The following PC variants were observed in gnomAD, a reference collection of about 807,000 sequenced individuals.
PC encodes the protein pyruvate carboxylase, also known as pyruvate carboxylase, mitochondrial.
Under a neutral mutation model 107.8 loss-of-function variants are expected in PC, and 46 were observed. That is an observed-to-expected ratio of 0.43 (90% CI 0.34 to 0.55). The LOEUF (loss-of-function observed/expected upper bound fraction) is 0.55, where lower values mean the gene tolerates loss of function less well. PC is among the 20% of genes least tolerant of loss of function. The pLI, the probability that PC is intolerant of heterozygous loss-of-function variation, is 0.04. For missense variants in PC, 1,241 were observed against 1,643.1 expected (o/e 0.76, Z 4.23); for synonymous variants, 662 against 684.7 (o/e 0.97, Z 0.52).
intron 2 of PC, among the ~76,000 whole-genome samples, chr11:66,952,821 G>C (rs889857622): frequency 3.3e-5 from 5 of 152,204 alleles, no homozygotes; most frequent in Non-Finnish European, 7.3e-5. Flanking sequence ...GGGATTACAG[G>C]TGTGAGCCAC....
chr11:66,947,226 A>G (rs1949319915), intron 3 of PC, among the ~76,000 whole-genome samples: 1 of 152,184 alleles, frequency 6.6e-6, no homozygotes, highest in East Asian at 1.9e-4. Context: ...GCCAAAAAGT[A>G]GAAGCACCTG....
chr11:66,885,683 G>C (rs1947334003), intron 3 of PC, among the ~76,000 whole-genome samples: 2 of 152,198 alleles, frequency 1.3e-5, no homozygotes, highest in Admixed American at 1.3e-4. Flanking sequence ...GCAGCTACAA[G>C]TCAGGCAAGG....
intron 12 of PC, among the ~76,000 whole-genome samples, chr11:66,855,297 T>C (rs1468901468): frequency 6.6e-6 from 1 of 152,220 alleles, no homozygotes; most frequent in Admixed American, 6.5e-5. Flanking sequence ...TGGTGGATGC[T>C]GGTAAACATC....
At chr11:66,947,291 C>CA (rs879668967) in intron 3 of PC, among the ~76,000 whole-genome samples, 97 of 144,604 alleles carry the variant, frequency 6.7e-4, no homozygotes, top group Non-Finnish European at 5.8e-4. Context: ...ATGAAATCAG[C>CA]AAAAAAAAAA....
intron 3 of PC, among the ~76,000 whole-genome samples, chr11:66,882,729 G>C (rs780374053): frequency 1.3e-5 from 2 of 152,190 alleles, no homozygotes; most frequent in Non-Finnish European, 2.9e-5. Context: ...CAGAGCACTC[G>C]GGGCTGCGGC....
At chr11:66,937,116 T>C (rs887253296) in intron 3 of PC, among the ~76,000 whole-genome samples, 3 of 152,170 alleles carry the variant, frequency 2.0e-5, no homozygotes, top group African/African-American at 7.2e-5. Flanking sequence ...AGTGCTGGGA[T>C]TACAGGTGTA....
intron 3 of PC, among the ~76,000 whole-genome samples, chr11:66,898,164 C>A (rs1947824033): frequency 6.6e-6 from 1 of 152,142 alleles, no homozygotes; most frequent in Non-Finnish European, 1.5e-5. Flanking sequence ...GGGGTCCTCC[C>A]ATGTTCTGAG....
At chr11:66,950,119 T>A (rs753973717) in intron 3 of PC, among the ~76,000 whole-genome samples, 2 of 152,330 alleles carry the variant, frequency 1.3e-5, no homozygotes, top group Non-Finnish European at 2.9e-5. Flanking sequence ...CAAAGCAGCA[T>A]AAAGTGATGT....
intron 3 of PC, among the ~76,000 whole-genome samples, chr11:66,928,815 G>A (rs983018622): frequency 1.3e-5 from 2 of 152,076 alleles, no homozygotes; most frequent in Non-Finnish European, 2.9e-5. Context: ...ATGAGCCACC[G>A]TGCCTGGCCA....
intron 12 of PC, among the ~76,000 whole-genome samples, chr11:66,861,840 C>G (rs1946274571): frequency 6.6e-6 from 1 of 152,000 alleles, no homozygotes; most frequent in Non-Finnish European, 1.5e-5. Flanking sequence ...GCCCCTTTCT[C>G]CACCTGGGGG....
rs1324648295 is a variant in PC, at chr11:66,871,544, C to A, written c.322-64G>T. On this transcript the variant is annotated intron_variant, in intron 5 of 22. Coordinates refer to ENST00000393960, the MANE Select transcript of PC (RefSeq NM_001040716.2). This position sits in a 1 kb window ranked among gnomAD's most constrained non-coding sequence, Gnocchi z 7.4. ...TCCCTTCCAAGGCCTCGGCCAGCCT[C>A]TTCCCCTGCCTAACCTGCTGAGCTG... The A allele has an allele frequency of 6.9e-6, 11 of 1,603,034 alleles. No homozygotes were observed. Among genetic ancestry groups the A allele is most frequent in the Non-Finnish European group, 8.5e-6 (10 of 1,171,382 alleles).
In PC at chr11:66,868,638, A is replaced by G. The variant is rs150530631; in HGVS notation, c.1022+208T>C. Among the ~76,000 whole-genome samples the G allele has an allele frequency of 5.3e-4, 81 of 152,190 alleles. 1 individual carries two copies. The East Asian group carries it at 0.01, about 19-fold the overall frequency. ...GAGAGGAGGGCTGTCAGTCATTTTT[A>G]TTTGCTCCTTTGTGCTGATTTTTAT... On this transcript the variant is annotated intron_variant, in intron 10 of 22. Transcript: ENST00000393960.
chr11:66,924,986 A>G (rs1948679528), intron 3 of PC, among the ~76,000 whole-genome samples: 1 of 152,154 alleles, frequency 6.6e-6, no homozygotes, highest in Non-Finnish European at 1.5e-5. Context: ...AGGTTCCGTG[A>G]TGCCCCCCAG....
chr11:66,932,711 C>G (rs1325006200), intron 3 of PC, among the ~76,000 whole-genome samples: 2 of 152,166 alleles, frequency 1.3e-5, no homozygotes, highest in Admixed American at 6.6e-5. Flanking sequence ...AAAACTGATT[C>G]AGAACTGCAA....
Position 66,850,759 on chromosome 11 carries a change from C to G in PC, c.2388G>C (p.Val796=), listed in dbSNP as rs747398140. 2 of 1,611,368 alleles carry G rather than the reference C, an allele frequency of 1.2e-6. No individual in the cohort carries two copies. Among genetic ancestry groups the G allele is most frequent in the Admixed American group, 3.3e-5 (2 of 60,034 alleles). Residue 796 remains valine, a synonymous_variant, in exon 18 of 23, where the codon GTG becomes GTC. Transcript: ENST00000393960. ...TCATCCCAGACATGGAATCAGCTGC[C>G]ACATCCACCACATCAGCTCCAGCCT... ...CAQAGADVVD[V]AADSMSGMTS...
intron 11 of PC, among the ~76,000 whole-genome samples, chr11:66,864,867 G>T (rs1946425812): frequency 6.6e-6 from 1 of 152,210 alleles, no homozygotes; most frequent in Admixed American, 6.5e-5. Flanking sequence ...TAAGGAAGAA[G>T]GGGAGTGGGG....
At chr11:66,873,514 T>A (rs1321124426) in intron 3 of PC, among the ~76,000 whole-genome samples, 27 of 1,876 alleles carry the variant, frequency 0.014, 2 homozygotes, top group South Asian at 0.029. Flanking sequence ...TATTATATAT[T>A]ATATTATATA....
At position 66,851,126 on chromosome 11, in the gene PC, G is replaced by C. The variant is rs778030981; in HGVS notation, c.2137C>G (p.Pro713Ala). 6.2e-7 allele frequency: 1 copy of C among 1,612,904 alleles called. No individual in the cohort carries two copies. Among genetic ancestry groups the C allele is most frequent in the Non-Finnish European group, 8.5e-7 (1 of 1,180,008 alleles). ...AISYTGDVAD[P>A]SRTKYSLQYY... ...TGCAGTGAGTACTTGGTGCGGCTGG[G>C]GTCGGCCACGTCGCCCGTGTATGAG... The change falls in exon 17 of 23, where the codon CCC (proline) becomes GCC (alanine). Residue 713 changes from proline to alanine, a missense_variant. Pro to Ala is a conservative substitution (Grantham distance 27, BLOSUM62 -1). Around this residue, in one of 2 missense-constraint regions of PC, gnomAD observed 1,143 missense variants for 1,551.9 expected, o/e 0.74. Transcript: ENST00000393960.
At chr11:66,886,282 C>T (rs1479366480) in intron 3 of PC, among the ~76,000 whole-genome samples, 2 of 152,130 alleles carry the variant, frequency 1.3e-5, no homozygotes, top group African/African-American at 4.8e-5. Context: ...AGGAAGCAAA[C>T]AGCCTGGCGT....
Sources: allele counts gnomAD v4.1 joint callset (sites outside exome capture counted in the v4.1 genomes callset), GRCh38; gene constraint gnomAD v4.1.1; regional missense constraint gnomAD v4.1.1; non-coding constraint Gnocchi (gnomAD v3.1); transcripts MANE v1.5; gene names NCBI Gene and HGNC (gene_info 2026-07-23, HGNC 2026-07-21).